RAD51B: variants seen among roughly 807,000 people sequenced by gnomAD.
The protein encoded by RAD51B is RAD51 paralog B.
Under a neutral mutation model 42.2 loss-of-function variants are expected in RAD51B, and 38 were observed. The ratio of observed to expected loss-of-function variants is 0.90; its 90% CI spans 0.70 to 1.18. RAD51B has a LOEUF of 1.18. RAD51B is among the 50% of genes most tolerant of loss of function. The probability of loss-of-function intolerance (pLI) is 0.00; values close to 1 mark genes in which losing one functional copy is unlikely to be tolerated. For synonymous variants in RAD51B, 154 were observed against 145.2 expected (o/e 1.06, Z -0.43); for missense variants, 373 against 400.7 (o/e 0.93, Z 0.59).
chr14:68,375,913 A>C (rs17105494), intron 8 of RAD51B, among the ~76,000 whole-genome samples: 29,040 of 151,858 alleles, frequency 0.19, 3,816 homozygotes, highest in African/African-American at 0.37. Context: ...ATGCTATTGG[A>C]GAAGGATTAC....
chr14:68,606,222 C>T (rs1255414637), intron 10 of RAD51B, among the ~76,000 whole-genome samples: 3 of 152,206 alleles, frequency 2.0e-5, no homozygotes, highest in African/African-American at 7.2e-5. Flanking sequence ...CTCACCTTCA[C>T]CAGGAATATG....
intron 7 of RAD51B, among the ~76,000 whole-genome samples, chr14:68,008,136 A>T (rs2075621935): frequency 6.6e-6 from 1 of 151,848 alleles, no homozygotes; most frequent in African/African-American, 2.4e-5. Context: ...ACTTCTTGGA[A>T]TTTTTTCTGA....
intron 7 of RAD51B, among the ~76,000 whole-genome samples, chr14:67,958,619 C>A (rs1355803267): frequency 6.6e-6 from 1 of 152,086 alleles, no homozygotes; most frequent in Non-Finnish European, 1.5e-5. Flanking sequence ...ATTTTCATTC[C>A]TTTTCTTATT....
At chr14:68,514,701 G>A (rs1176931885) in intron 10 of RAD51B, among the ~76,000 whole-genome samples, 1 of 152,162 alleles carries the variant, frequency 6.6e-6, no homozygotes, top group African/African-American at 2.4e-5. Flanking sequence ...CCTGGGGCTG[G>A]AAGGAAGTTA....
rs2082517010 is a variant in RAD51B at position 68,339,018 on chromosome 14, A to G, written c.853+47038A>G. 9.1e-6 allele frequency: 6 copies of G among 657,852 alleles called. No individual in the cohort carries two copies. In the East Asian group the frequency reaches 1.8e-4, roughly 20 times the overall value. The allele number at this position is 657,852 out of a possible 1,614,324, so 40.8% of individuals were successfully genotyped here. On this transcript the variant is annotated intron_variant, in intron 8 of 10. Transcript: ENST00000471583. The stretch of plus-strand genomic sequence containing the variant: ...CCCCTTTTTACAACATGGGGCAGGC[A>G]GGCAGAAGACAGCCAGCTCGATGGG...
At chr14:68,239,628 C>A in intron 7 of RAD51B, among the ~76,000 whole-genome samples, 1 of 152,182 alleles carries the variant, frequency 6.6e-6, no homozygotes. Context: ...TTCTTCCACT[C>A]ACCTATCTCA....
At chr14:68,049,091 A>G (rs1401702068) in intron 7 of RAD51B, among the ~76,000 whole-genome samples, 5 of 152,154 alleles carry the variant, frequency 3.3e-5, no homozygotes, top group Non-Finnish European at 7.4e-5. Flanking sequence ...CATCATTCTC[A>G]GCAGACTACC....
In RAD51B at chr14:68,468,480, C is replaced by G. The variant is rs183085934; in HGVS notation, c.1036+230C>G. On this transcript the variant is annotated intron_variant, in intron 10 of 10. Coordinates refer to ENST00000471583, the MANE Select transcript of RAD51B (RefSeq NM_133510.4). ...GAAGGAGACCTACAGAATTTCCTAA[C>G]AGAATGAGACAATCAAAACATGAGG... The G allele has an allele frequency of 8.6e-6, 5 of 582,198 alleles. No individual in the cohort carries two copies. In the East Asian group the frequency reaches 1.6e-4, roughly 18 times the overall value. The allele number at this position is 582,198 out of a possible 1,614,324, so 36.1% of individuals were successfully genotyped here.
At position 68,153,996 on chromosome 14, in the gene RAD51B, C is replaced by T. The variant is rs145441717; in HGVS notation, c.757-137888C>T. Among the ~76,000 whole-genome samples the T allele has an allele frequency of 1.9e-4, 29 of 152,238 alleles. 1 individual carries two copies. The East Asian group carries it at 4.8e-3, about 25-fold the overall frequency. On this transcript the variant is annotated intron_variant, in intron 7 of 10. Transcript: ENST00000471583. ...TGTGATTCATGAGTCGTATTTTAAT[C>T]GTCTTCTTATTTTAACTATACAAAG...
chr14:68,208,063 C>T (rs1465186607), intron 7 of RAD51B, among the ~76,000 whole-genome samples: 1 of 151,878 alleles, frequency 6.6e-6, no homozygotes, highest in East Asian at 1.9e-4. Context: ...TAGGGAAACT[C>T]ATGTTTTTCT....
rs1379635088 is a variant in RAD51B, at chr14:67,835,061, T to TA, written c.199-17dup. 1.3e-6 allele frequency: 2 copies of TA among 1,572,298 alleles called. No individual in the cohort carries two copies. The highest frequency in any genetic ancestry group is 1.1e-5 in the South Asian group (1 of 88,962). On this transcript the variant is annotated intron_variant, in intron 3 of 10. Transcript: ENST00000471583. ...TATATATAGAGGTTGAAAAAAAACT[T>TA]AATCATTTTCTTGTTTAGGCTTATG...
intron 7 of RAD51B, among the ~76,000 whole-genome samples, chr14:68,085,684 G>T (rs1453372082): frequency 1.3e-5 from 2 of 152,210 alleles, no homozygotes; most frequent in Non-Finnish European, 2.9e-5. Context: ...AGAGTTAAGT[G>T]GGAGGTGATT....
chr14:68,263,965 T>A (rs892266810), intron 7 of RAD51B, among the ~76,000 whole-genome samples: 1 of 152,244 alleles, frequency 6.6e-6, no homozygotes, highest in African/African-American at 2.4e-5. Flanking sequence ...GTGCTTGTCT[T>A]CTAACTGCCT....
At chr14:67,856,919 G>GT (rs1412761966) in intron 4 of RAD51B, among the ~76,000 whole-genome samples, 1 of 151,008 alleles carries the variant, frequency 6.6e-6, no homozygotes, top group Non-Finnish European at 1.5e-5. Flanking sequence ...GAAGTGAATT[G>GT]TTTTTTTACT....
chr14:68,444,641 A>G (rs535770031), intron 9 of RAD51B, among the ~76,000 whole-genome samples: 4 of 152,248 alleles, frequency 2.6e-5, no homozygotes, highest in Non-Finnish European at 4.4e-5. Context: ...CATCCAAGTC[A>G]GCTCCATGGG....
At chr14:68,658,159 G>A (rs993310506) in intron 11 of RAD51B, among the ~76,000 whole-genome samples, 1 of 152,214 alleles carries the variant, frequency 6.6e-6, no homozygotes, top group Admixed American at 6.5e-5. Flanking sequence ...GGGCTGGGTT[G>A]GCAGGTGAGA....
rs1308522588 is a variant in RAD51B at position 68,602,735 on chromosome 14, A to C, written c.1037-8271A>C. On this transcript the variant is annotated intron_variant, in intron 10 of 10. Transcript: ENST00000487861. ...TGATTACTCAAAGTCTACTGATGGA[A>C]ATGTTAATGTCATCTAAAGAATACC... Among the ~76,000 whole-genome samples the C allele has an allele frequency of 2.0e-5, 3 of 152,182 alleles. No individual in the cohort carries two copies. The East Asian group carries it at 5.8e-4, about 29-fold the overall frequency.
At chr14:68,574,288 G>A (rs1298704761) in intron 10 of RAD51B, among the ~76,000 whole-genome samples, 1 of 152,016 alleles carries the variant, frequency 6.6e-6, no homozygotes, top group African/African-American at 2.4e-5. Flanking sequence ...GCATCTCACT[G>A]TGTTGCCCAG....
At chr14:68,075,413 G>A (rs1428093819) in intron 7 of RAD51B, among the ~76,000 whole-genome samples, 1 of 152,204 alleles carries the variant, frequency 6.6e-6, no homozygotes, top group Non-Finnish European at 1.5e-5. Flanking sequence ...CAGAGCTGTT[G>A]CCAGTGGGAA....
Sources: gnomAD v4.1 joint callset for allele counts (sites outside exome capture counted in the v4.1 genomes callset) on GRCh38, gnomAD v4.1.1 for gene constraint, MANE v1.5 for transcripts, NCBI Gene and HGNC (gene_info 2026-07-23, HGNC 2026-07-21) for gene names.